Variants in EFCAB9 observed in about 807,000 individuals in gnomAD.
EFCAB9 encodes EF-hand calcium binding domain 9.
A neutral mutation model predicts 15.6 loss-of-function variants in EFCAB9; 16 were observed. That is an observed-to-expected ratio of 1.03 (90% confidence interval 0.69 to 1.56). EFCAB9 has a LOEUF of 1.56. EFCAB9 is among the 40% of genes most tolerant of loss of function. The pLI, the probability that EFCAB9 is intolerant of heterozygous loss-of-function variation, is 0.00. For synonymous variants in EFCAB9, 76 were observed against 85.4 expected (o/e 0.89, Z 0.61); for missense variants, 208 against 235.4 (o/e 0.88, Z 0.76).
At position 172,203,239 on chromosome 5, in the gene EFCAB9, T is replaced by G; in HGVS notation, c.488T>G (p.Leu163Arg). The G allele has an allele frequency of 3.3e-6, 5 of 1,529,274 alleles. No homozygotes were observed. The South Asian group carries it at 6.1e-5, about 19-fold the overall frequency. The allele number at this position is 1,529,274 out of a possible 1,614,324, so 94.7% of individuals were successfully genotyped here. ...CGTCTTAATTATCAGGAATTTAAGC[T>G]GTATACAATCATCTACACTGACAAA... ...DNRLNYQEFK[L>R]YTIIYTDKLQ... Residue 163 changes from leucine (L) to arginine (R), a missense_variant, in exon 4 of 4, where the codon CTG (leucine) becomes CGG (arginine). Coordinates refer to ENST00000398186, the MANE Select transcript of EFCAB9 (RefSeq NM_001171183.2).
At chr5:172,200,488 G>GAT in intron 2 of EFCAB9, 78 bp from the exon 3 acceptor site, 1 of 1,392,092 alleles carries the variant, frequency 7.2e-7, no homozygotes, top group Non-Finnish European at 9.5e-7. Flanking sequence ...GGCTGGTGAA[G>GAT]ATATGTCTTG....
intron 1 of EFCAB9, among the ~76,000 whole-genome samples, chr5:172,199,025 C>T (rs988173752): frequency 3.9e-5 from 6 of 152,206 alleles, no homozygotes; most frequent in Non-Finnish European, 7.3e-5. Flanking sequence ...ATTAAGCTCT[C>T]CTTTCATACA....
intron 1 of EFCAB9, among the ~76,000 whole-genome samples, chr5:172,197,600 T>C (rs1310530398): frequency 2.6e-5 from 4 of 152,214 alleles, no homozygotes; most frequent in South Asian, 2.1e-4. Context: ...CTAATTGATA[T>C]CTGAGACTTA....
At position 172,200,656 on chromosome 5, in the gene EFCAB9, A is replaced by G. The variant is rs1456154253; in HGVS notation, c.376A>G (p.Asn126Asp). 6.5e-6 allele frequency: 10 copies of G among 1,537,334 alleles called. No individual in the cohort carries two copies. The highest frequency in any genetic ancestry group is 2.4e-5 in the East Asian group (1 of 40,910). ...LKGDLRIGAK[N>D]FEMYRFLFNI... The stretch of plus-strand genomic sequence containing the variant: ...AGGGGATCTGAGAATTGGTGCAAAA[A>G]ACTTCGAAATGTACAGATTTCTCTT... Residue 126 changes from asparagine to aspartate, a missense_variant, in exon 3 of 4, where the codon AAC becomes GAC. Asn to Asp is a conservative substitution (Grantham distance 23, BLOSUM62 1). Coordinates refer to ENST00000398186, the MANE Select transcript of EFCAB9 (RefSeq NM_001171183.2).
intron 2 of EFCAB9, among the ~76,000 whole-genome samples, chr5:172,199,736 C>A (rs1771225367): frequency 6.6e-6 from 1 of 152,086 alleles, no homozygotes; most frequent in African/African-American, 2.4e-5. Flanking sequence ...CTACTCTGCC[C>A]ACCCTCGTAA....
At chr5:172,201,491 C>G (rs13155960) in intron 3 of EFCAB9, among the ~76,000 whole-genome samples, 24,434 of 151,968 alleles carry the variant, frequency 0.16, 1,981 homozygotes, top group Middle Eastern at 0.24. Flanking sequence ...AGGTTGCAGT[C>G]AGTCATGATC....
At chr5:172,202,332 CA>C (rs10690291) in intron 3 of EFCAB9, among the ~76,000 whole-genome samples, 91 of 73,344 alleles carry the variant, frequency 1.2e-3, no homozygotes, top group South Asian at 4.7e-3. Context: ...GACTTCATCT[CA>C]AAAAAAAAAA....
chr5:172,195,438 C>T (rs1771144846), intron 1 of EFCAB9, among the ~76,000 whole-genome samples: 1 of 152,212 alleles, frequency 6.6e-6, no homozygotes, highest in Non-Finnish European at 1.5e-5. Flanking sequence ...TTCTTTCTCT[C>T]TTTACATAGA....
intron 1 of EFCAB9, among the ~76,000 whole-genome samples, chr5:172,199,083 T>C (rs993309170): frequency 1.3e-5 from 2 of 152,232 alleles, no homozygotes; most frequent in Non-Finnish European, 1.5e-5. Flanking sequence ...TTGCCTTTTA[T>C]CAGTGCTGTG....
intron 1 of EFCAB9, among the ~76,000 whole-genome samples, chr5:172,194,964 G>T (rs1401437927): frequency 2.0e-5 from 3 of 151,880 alleles, no homozygotes; most frequent in African/African-American, 7.3e-5. Context: ...CAAATGCTTA[G>T]CACAGTGTCT....
At chr5:172,202,776 C>T (rs931754954) in intron 3 of EFCAB9, among the ~76,000 whole-genome samples, 8 of 151,054 alleles carry the variant, frequency 5.3e-5, no homozygotes, top group Non-Finnish European at 2.9e-5. Flanking sequence ...CCGAGGCAGG[C>T]GGGTCATGAG....
chr5:172,194,368 G>T lies in EFCAB9; in HGVS notation c.136+60G>T, dbSNP rs937782481. 5.0e-4 allele frequency: 754 copies of T among 1,498,244 alleles called. 5 individuals carry two copies. The highest frequency in any genetic ancestry group is 7.6e-5 in the Non-Finnish European group (86 of 1,128,692). 92.8% of individuals were successfully genotyped at this position (1,498,244 alleles called of 1,614,324 possible). ...TACCTGGGTTTTAGCTAATGTGTAAGAAAACTTGCAGAGCCAGAAACTATT... is the reference window on the plus strand; with the variant it reads ...TACCTGGGTTTTAGCTAATGTGTAATAAAACTTGCAGAGCCAGAAACTATT... On this transcript the variant is annotated intron_variant, in intron 1 of 3. Transcript: ENST00000398186.
At chr5:172,195,682 A>ACTGGAGAGTGAC (rs1205951778) in intron 1 of EFCAB9, among the ~76,000 whole-genome samples, 3 of 152,178 alleles carry the variant, frequency 2.0e-5, no homozygotes, top group Non-Finnish European at 2.9e-5. Flanking sequence ...TCACAGAGGG[A>ACTGGAGAGTGAC]CTGGAGAGTG....
At chr5:172,194,952 GGCAAATGCTTA>G (rs959825999) in intron 1 of EFCAB9, among the ~76,000 whole-genome samples, 11 of 151,934 alleles carry the variant, frequency 7.2e-5, no homozygotes, top group African/African-American at 2.4e-4. Context: ...ATGAGAGTAT[GGCAAATGCTTA>G]GCACAGTGTC....
chr5:172,203,038 A>G (rs1372584262), intron 3 of EFCAB9, among the ~76,000 whole-genome samples, 176 bp from the exon 4 acceptor site: 1 of 152,174 alleles, frequency 6.6e-6, no homozygotes, highest in African/African-American at 2.4e-5. Flanking sequence ...AGCATCTACA[A>G]TAGACTCTCT....
intron 1 of EFCAB9, among the ~76,000 whole-genome samples, chr5:172,194,630 A>G (rs774063629): frequency 6.6e-6 from 1 of 152,124 alleles, no homozygotes; most frequent in Non-Finnish European, 1.5e-5. Flanking sequence ...AACTCCTGAC[A>G]TCAGGTGATC....
chr5:172,199,257 A>G (rs1374431259), intron 1 of EFCAB9, 126 bp from the exon 2 acceptor site: 1 of 1,228,392 alleles, frequency 8.1e-7, no homozygotes, highest in Non-Finnish European at 1.1e-6. Context: ...CAGAAACAAA[A>G]TATTATCATC....
intron 1 of EFCAB9, among the ~76,000 whole-genome samples, chr5:172,195,183 A>T (rs866396095): frequency 3.9e-4 from 57 of 147,050 alleles, no homozygotes; most frequent in South Asian, 6.4e-4. Flanking sequence ...TAAATAAATA[A>T]AAATAAATAA....
Position 172,199,454 on chromosome 5 carries a change from A to C in EFCAB9, c.208A>C (p.Met70Leu). The change falls in exon 2 of 4, where the codon ATG (methionine) becomes CTG (leucine). Residue 70 changes from methionine to leucine, a missense_variant. Transcript: ENST00000398186. ...KKAQINIVFD[M>L]LDWNAVGEID... is the part of the protein sequence containing the mutation. The stretch of plus-strand genomic sequence containing the variant: ...GGCACAGATCAACATTGTGTTTGAC[A>C]TGCTGGACTGGAACGCTGTGGGCGA... 6.5e-7 allele frequency: 1 copy of C among 1,537,330 alleles called. No homozygotes were observed. The highest frequency in any genetic ancestry group is 8.7e-7 in the Non-Finnish European group (1 of 1,146,922).
Sources: gnomAD v4.1 joint callset for allele counts (sites outside exome capture counted in the v4.1 genomes callset) on GRCh38, gnomAD v4.1.1 for gene constraint, MANE v1.5 for transcripts, NCBI Gene and HGNC (gene_info 2026-07-23, HGNC 2026-07-21) for gene names.